The following ZNF768 variants were observed in gnomAD, a reference collection of about 807,000 sequenced individuals.
The protein encoded by ZNF768 is zinc finger protein 768.
ZNF768 carries 12 observed loss-of-function variants against 39.7 expected under a neutral mutation model. The ratio of observed to expected loss-of-function variants is 0.30; its 90% confidence interval spans 0.19 to 0.49. The LOEUF (loss-of-function observed/expected upper bound fraction) is 0.49, where lower values mean the gene tolerates loss of function less well. Among genes scored for constraint, ZNF768 ranks in the 20% least tolerant of loss-of-function variants. The pLI, the probability that ZNF768 is intolerant of heterozygous loss-of-function variation, is 0.99. For missense variants in ZNF768, 613 were observed against 723.2 expected (o/e 0.85, Z 1.75); for synonymous variants, 360 against 288.4 (o/e 1.25, Z -2.52).
upstream of ZNF768, chr16:30,526,692 T>G: frequency 8.6e-6 from 8 of 926,104 alleles, no homozygotes; most frequent in Non-Finnish European, 1.0e-5. Context: ...ATGAGGGGCT[T>G]CGCGACTACC....
At chr16:30,526,797 C>T (rs532575615), upstream of ZNF768, 1 of 776,274 alleles carries the variant, frequency 1.3e-6, no homozygotes, top group Non-Finnish European at 1.6e-6. Context: ...CCCAGCACCC[C>T]CCCACCCTCC....
At chr16:30,527,385 T>C (rs558987428), upstream of ZNF768, 23 of 924,302 alleles carry the variant, frequency 2.5e-5, no homozygotes, top group Admixed American at 3.7e-4. Flanking sequence ...CCGCCCCGGC[T>C]CCCAGAGGCA....
In ZNF768 at chr16:30,525,876, G is replaced by A. The variant is rs1367564301; in HGVS notation, c.264C>T (p.Ser88=). ...RFEPESPGFE[S]RSPGLVPPSP... ...TTGGGGGCACAAGCCCAGGGCTTCG[G>A]GACTCAAACCCCGGGCTTTCAGGCT... Residue 88 remains serine, a synonymous_variant, in exon 2 of 2, where the codon TCC becomes TCT. Coordinates refer to ENST00000380412, the MANE Select transcript of ZNF768 (RefSeq NM_024671.4). The A allele has an allele frequency of 6.6e-7, 1 of 1,520,154 alleles. No individual in the cohort carries two copies. The highest frequency in any genetic ancestry group is 1.4e-5 in the African/African-American group (1 of 71,612). The allele number at this position is 1,520,154 out of a possible 1,614,324, so 94.2% of individuals were successfully genotyped here.
At chr16:30,527,134 G>C, upstream of ZNF768, 2 of 985,396 alleles carry the variant, frequency 2.0e-6, no homozygotes, top group Non-Finnish European at 2.4e-6. Context: ...AGCGGGGGCG[G>C]TGTCTCGCTC....
At chr16:30,526,246 G>A in intron 1 of ZNF768, 80 bp downstream of exon 1, 4 of 1,582,170 alleles carry the variant, frequency 2.5e-6, no homozygotes, top group East Asian at 2.4e-5. Flanking sequence ...TCCCAGCCCC[G>A]GGCCCTCGCT....
chr16:30,526,613 C>G (rs1023810593), upstream of ZNF768: 2 of 1,001,072 alleles, frequency 2.0e-6, no homozygotes. Flanking sequence ...CTGCCCGCGG[C>G]CCCGCCCCCT....
At chr16:30,531,090 G>T (rs1178397145), upstream of ZNF768, 1 of 152,296 alleles carries the variant, frequency 6.6e-6, no homozygotes, top group African/African-American at 2.4e-5. Flanking sequence ...CTAAAGACAG[G>T]AAAGATGCAA....
chr16:30,525,481 GTGGGCATCTCAAAAGGTGGCCCTA>G lies in ZNF768; in HGVS notation c.635_658del (p.Ile212_Pro219del). ...CTGCGGTGTAGACAGCAGGGCCCCT[GTGGGCATCTCAAAAGGTGGCCCTA>G]TGGGCAGGTCCCCTGTGGGCTGCTC... is the stretch of plus-strand genomic sequence containing the variant. On this transcript the variant is annotated inframe_deletion, in exon 2 of 2. Coordinates refer to ENST00000380412, the MANE Select transcript of ZNF768 (RefSeq NM_024671.4). The G allele has an allele frequency of 6.2e-7, 1 of 1,614,156 alleles. No individual in the cohort carries two copies. The highest frequency in any genetic ancestry group is 8.5e-7 in the Non-Finnish European group (1 of 1,180,030).
At chr16:30,532,297 A>G in the ZNF768 span, 3 of 639,630 alleles carry the variant, frequency 4.7e-6, no homozygotes, top group Admixed American at 2.9e-5. Flanking sequence ...TGCCTCAGCA[A>G]AGGGGGCCTT....
In ZNF768 at chr16:30,524,882, C is replaced by G. The variant is rs201049287; in HGVS notation, c.1258G>C (p.Ala420Pro). 6.2e-7 allele frequency: 1 copy of G among 1,611,908 alleles called. No individual in the cohort carries two copies. The highest frequency in any genetic ancestry group is 1.1e-5 in the South Asian group (1 of 91,070). The change falls in exon 2 of 2, where the codon GCC becomes CCC. Residue 420 changes from alanine (A) to proline (P), a missense_variant. Ala to Pro is a conservative substitution (Grantham distance 27). Transcript: ENST00000380412. ...FSQRSALIPH[A>P]RSHAREKPFK... ...GGCTTCTCCCGGGCGTGGCTGCGGG[C>G]ATGGGGGATAAGGGCCGACCGCTGG... is the stretch of plus-strand genomic sequence containing the variant.
At chr16:30,528,497 T>C (rs913506840), upstream of ZNF768, among the ~76,000 whole-genome samples, 3 of 152,056 alleles carry the variant, frequency 2.0e-5, no homozygotes, top group Non-Finnish European at 4.4e-5. Flanking sequence ...GAGGTTGCAG[T>C]AAGCCGAGAT....
rs898341431 is a variant in ZNF768, at chr16:30,526,194, G to A, written c.88+132C>T. The A allele has an allele frequency of 6.5e-6, 10 of 1,526,788 alleles. No individual in the cohort carries two copies. In the Admixed American group the frequency reaches 1.4e-4, roughly 21 times the overall value. The allele number at this position is 1,526,788 out of a possible 1,614,324, so 94.6% of individuals were successfully genotyped here. A position where few individuals can be genotyped will look rare whatever the true frequency, so the allele number is the denominator to read the frequency against. On this transcript the variant is annotated intron_variant, in intron 1 of 1. Transcript: ENST00000380412. Reference sequence around the variant, plus strand: ...CCCACGCCCCCCTCAGCTGACCCAAGACACCCCAGTCCCCGCCGGCCCCTC... The same window carrying A: ...CCCACGCCCCCCTCAGCTGACCCAAAACACCCCAGTCCCCGCCGGCCCCTC...
chr16:30,530,486 G>T (rs1716838344), upstream of ZNF768: 2 of 152,246 alleles, frequency 1.3e-5, no homozygotes, highest in African/African-American at 4.8e-5. The surrounding 1 kb of genome is among the most constrained non-coding windows in gnomAD (Gnocchi z 4.4). Flanking sequence ...TTGAGGGTTA[G>T]GGGAGGGGAC....
At position 30,525,530 on chromosome 16, in the gene ZNF768, C is replaced by G; in HGVS notation, c.610G>C (p.Glu204Gln). Residue 204 changes from glutamate (E) to glutamine (Q), a missense_variant, in exon 2 of 2, where the codon GAG becomes CAG. By Grantham distance (29) the Glu-to-Gln change is conservative. Around this residue, in one of 4 missense-constraint regions of ZNF768, gnomAD observed 347 missense variants for 326.1 expected, o/e 1.06. Coordinates refer to ENST00000380412, the MANE Select transcript of ZNF768 (RefSeq NM_024671.4). The stretch of plus-strand genomic sequence containing the variant: ...ATGGGCAGGTCCCCTGTGGGCTGCT[C>G]CCCAAACCCCTGAGTGAAGGAGTCC... The part of the protein sequence containing the change: ...PLDSFTQGFG[E>Q]QPTGDLPIGP... The G allele has an allele frequency of 6.2e-7, 1 of 1,614,174 alleles. No homozygotes were observed. Among genetic ancestry groups the G allele is most frequent in the Non-Finnish European group, 8.5e-7 (1 of 1,180,020 alleles).
At position 30,526,494 on chromosome 16, in the gene ZNF768, C is replaced by CCCCGCCT. The variant is rs1472612274; in HGVS notation, c.-88_-82dup. ...GCCTCGGTTGCCCCGAGCCGCGGGCCCCCGCCTCCCGCCCGCTCAGCGCCG... is the reference window on the plus strand; with the variant it reads ...GCCTCGGTTGCCCCGAGCCGCGGGCCCCCGCCTCCCGCCTCCCGCCCGCTCAGCGCCG... On this transcript the variant is annotated 5_prime_UTR_variant, in exon 1 of 2. Transcript: ENST00000380412. 1 of 1,262,764 alleles carries CCCCGCCT rather than the reference C, an allele frequency of 7.9e-7. No individual in the cohort carries two copies. Among genetic ancestry groups the CCCCGCCT allele is most frequent in the Non-Finnish European group, 1.0e-6 (1 of 1,001,748 alleles). 78.2% of individuals were successfully genotyped at this position (1,262,764 alleles called of 1,614,324 possible).
chr16:30,525,251 C>T lies in ZNF768; in HGVS notation c.889G>A (p.Ala297Thr). ...ATGAGGTCAGAGCTCTGGGAGAAGG[C>T]CTTGCTGCAGACCTCACATTTGTAG... is the stretch of plus-strand genomic sequence containing the variant. ...KPYKCEVCSK[A>T]FSQSSDLIKH... Residue 297 changes from alanine to threonine, a missense_variant, in exon 2 of 2, where the codon GCC (alanine) becomes ACC (threonine). Physicochemically the swap from Ala to Thr is moderately conservative, Grantham distance 58 (BLOSUM62 0). This residue lies in a region of ZNF768 where 40 missense variants were observed against 52.0 expected (regional missense o/e 0.77). Coordinates refer to ENST00000380412, the MANE Select transcript of ZNF768 (RefSeq NM_024671.4). The T allele has an allele frequency of 6.2e-7, 1 of 1,614,166 alleles. No homozygotes were observed. Among genetic ancestry groups the T allele is most frequent in the Non-Finnish European group, 8.5e-7 (1 of 1,180,016 alleles).
chr16:30,524,214 T>G lies in ZNF768; in HGVS notation c.*303A>C. 5.7e-6 allele frequency: 1 copy of G among 176,980 alleles called. No homozygotes were observed. The highest frequency in any genetic ancestry group is 1.6e-4 in the East Asian group (1 of 6,112). 11.0% of individuals were successfully genotyped at this position (176,980 alleles called of 1,614,324 possible). A position where few individuals can be genotyped will look rare whatever the true frequency, so the allele number is the denominator to read the frequency against. On this transcript the variant is annotated 3_prime_UTR_variant, in exon 2 of 2. Transcript: ENST00000380412. ...ACTCTAATTAGGTAATCCCCTGCCC[T>G]CCCCCCTCCCTGCTCTAGCAGTTGC...
chr16:30,524,284 C>T lies in ZNF768; in HGVS notation c.*233G>A, dbSNP rs964663269. On this transcript the variant is annotated 3_prime_UTR_variant, in exon 2 of 2. Coordinates refer to ENST00000380412, the MANE Select transcript of ZNF768 (RefSeq NM_024671.4). ...GGAGCCGCGGCTGAGGCCAGCCCTC[C>T]GCTGACCTCTCTCCATTTCTCCCAG... 1.5e-6 allele frequency: 1 copy of T among 657,488 alleles called. No homozygotes were observed. The highest frequency in any genetic ancestry group is 2.4e-6 in the Non-Finnish European group (1 of 411,876). 40.7% of individuals were successfully genotyped at this position (657,488 alleles called of 1,614,324 possible). A position where few individuals can be genotyped will look rare whatever the true frequency, so the allele number is the denominator to read the frequency against.
upstream of ZNF768, chr16:30,527,083 G>A (rs2051334564): frequency 2.0e-6 from 2 of 985,362 alleles, no homozygotes; most frequent in East Asian, 1.1e-4. Flanking sequence ...GGCGACAAGC[G>A]AGACCAAGGT....
Sources: allele counts gnomAD v4.1 joint callset (sites outside exome capture counted in the v4.1 genomes callset), GRCh38; gene constraint gnomAD v4.1.1; regional missense constraint gnomAD v4.1.1; non-coding constraint Gnocchi (gnomAD v3.1); transcripts MANE v1.5; gene names NCBI Gene and HGNC (gene_info 2026-07-23, HGNC 2026-07-21).